Variants in CLVS1 observed in about 807,000 individuals in gnomAD.
CLVS1 encodes clavesin-1.
In CLVS1, 10 loss-of-function variants were observed where a neutral mutation model predicts 33.1. That is an observed-to-expected ratio of 0.30 (90% confidence interval 0.19 to 0.51). CLVS1 has a LOEUF of 0.51. Among genes scored for constraint, CLVS1 ranks in the 20% least tolerant of loss-of-function variants. CLVS1 has a pLI of 0.97. For missense variants in CLVS1, 343 were observed against 433.4 expected (o/e 0.79, Z 1.85); for synonymous variants, 163 against 166.1 (o/e 0.98, Z 0.14).
At chr8:61,098,238 C>A (rs758638492) in intron 1 of CLVS1, among the ~76,000 whole-genome samples, 13 of 151,994 alleles carry the variant, frequency 8.6e-5, no homozygotes, top group Non-Finnish European at 1.3e-4. Context: ...AGGTGAGGAT[C>A]GCCCTCATGG....
the CLVS1 span, among the ~76,000 whole-genome samples, chr8:60,978,644 G>A: frequency 4.6e-3 from 694 of 151,630 alleles, 6 homozygotes; most frequent in Middle Eastern, 0.021. Flanking sequence ...GTGAAACCCC[G>A]TCTCTACTAA....
chr8:61,302,067 C>A (rs2978558), intron 2 of CLVS1, among the ~76,000 whole-genome samples: 83,564 of 151,938 alleles, frequency 0.55, 23,973 homozygotes, highest in East Asian at 0.97. Context: ...CTCTTCACTT[C>A]CTCATGTCAC....
chr8:61,199,697 G>A (rs964888825), intron 2 of CLVS1, among the ~76,000 whole-genome samples: 1 of 152,236 alleles, frequency 6.6e-6, no homozygotes, highest in African/African-American at 2.4e-5. Flanking sequence ...TTCTTCAGGT[G>A]TTTTGTGTTG....
the CLVS1 span, among the ~76,000 whole-genome samples, chr8:61,033,135 G>GAAAGA: frequency 4.4e-3 from 443 of 100,480 alleles, 34 homozygotes; most frequent in African/African-American, 0.014. Flanking sequence ...AGGAAAGAAA[G>GAAAGA]AAAGAAAGAA....
Position 61,183,486 on chromosome 8 carries a change from CA to C in CLVS1, c.-152+51627del, listed in dbSNP as rs1190771527. On this transcript the variant is annotated intron_variant, in intron 2 of 2. Transcript: ENST00000522621. ...TTATCTCAACCAACTCTTTGTCAGACAGTTAATTTTTTTTATCTCTTCTCTG... is the reference window on the plus strand; with the variant it reads ...TTATCTCAACCAACTCTTTGTCAGACGTTAATTTTTTTTATCTCTTCTCTG... Among the ~76,000 whole-genome samples the C allele has an allele frequency of 2.0e-5, 3 of 151,694 alleles. No individual in the cohort carries two copies. The East Asian group carries it at 5.8e-4, about 29-fold the overall frequency.
At chr8:61,371,234 G>A (rs1464198873) in intron 2 of CLVS1, among the ~76,000 whole-genome samples, 1 of 152,128 alleles carries the variant, frequency 6.6e-6, no homozygotes, top group Non-Finnish European at 1.5e-5. Context: ...GTCTTTCCCT[G>A]ATAATTGGTG....
rs1563455120 is a variant in CLVS1, at chr8:61,232,036, T to TG, written c.-151-67641_-151-67640insG. 1.1e-4 allele frequency among the ~76,000 whole-genome samples: 7 copies of TG among 64,588 alleles called. 1 individual carries two copies. The highest frequency in any genetic ancestry group is 2.5e-4 in the African/African-American group (6 of 24,298). 42.4% of individuals were successfully genotyped at this position (64,588 alleles called of 152,430 possible). On this transcript the variant is annotated intron_variant, in intron 2 of 2. Coordinates refer to the CLVS1 transcript ENST00000522621. ...AGGAAAGTTGTGGTTTTTTTTTTTT[T>TG]TTTTTTTTTTTTTTGTGAGATGGAG... is the stretch of plus-strand genomic sequence containing the variant.
At chr8:61,162,912 G>A (rs1284939458) in intron 2 of CLVS1, among the ~76,000 whole-genome samples, 1 of 152,124 alleles carries the variant, frequency 6.6e-6, no homozygotes, top group Non-Finnish European at 1.5e-5. Flanking sequence ...ACATCAGATG[G>A]CCAGTCTGAA....
chr8:61,150,196 C>A (rs574534260), intron 2 of CLVS1, among the ~76,000 whole-genome samples: 12 of 151,186 alleles, frequency 7.9e-5, no homozygotes, highest in African/African-American at 2.9e-4. Context: ...GAGATGAGAA[C>A]CCTTAAAAGA....
chr8:61,159,594 T>C (rs1210853719), intron 2 of CLVS1, among the ~76,000 whole-genome samples: 2 of 152,226 alleles, frequency 1.3e-5, no homozygotes, highest in Non-Finnish European at 2.9e-5. Context: ...TCCTGAGCTA[T>C]CTAGTCCATC....
At chr8:61,297,516 C>T (rs1810260186) in intron 1 of CLVS1, among the ~76,000 whole-genome samples, 1 of 152,114 alleles carries the variant, frequency 6.6e-6, no homozygotes, top group Admixed American at 6.6e-5. Context: ...AAGATGATGT[C>T]ATTCACTAAA....
intron 1 of CLVS1, among the ~76,000 whole-genome samples, chr8:61,088,616 T>A (rs1270631869): frequency 6.6e-6 from 1 of 152,038 alleles, no homozygotes; most frequent in African/African-American, 2.4e-5. Flanking sequence ...TATGCAAGGG[T>A]TTGCTCAGGG....
chr8:61,071,462 G>A (rs1804795076), intron 1 of CLVS1, among the ~76,000 whole-genome samples: 1 of 152,136 alleles, frequency 6.6e-6, no homozygotes, highest in Admixed American at 6.5e-5. Context: ...TTCCTCCTAT[G>A]CAGTCAGATC....
intron 2 of CLVS1, among the ~76,000 whole-genome samples, chr8:61,150,766 C>G (rs997028961): frequency 1.3e-5 from 2 of 152,158 alleles, no homozygotes; most frequent in Non-Finnish European, 2.9e-5. Flanking sequence ...AGCTGTGGCT[C>G]GAACTGGCCC....
chr8:61,430,677 G>C (rs1563550206), intron 3 of CLVS1, among the ~76,000 whole-genome samples: 1 of 152,120 alleles, frequency 6.6e-6, no homozygotes, highest in Non-Finnish European at 1.5e-5. Context: ...CTACTGCCAG[G>C]TCCTGCTCTC....
At position 61,127,526 on chromosome 8, in the gene CLVS1, C is replaced by A. The variant is rs531823798; in HGVS notation, c.-242-4244C>A. Among the ~76,000 whole-genome samples, 162 of 152,094 alleles carry A rather than the reference C, an allele frequency of 1.1e-3. 1 individual carries two copies. Among genetic ancestry groups the A allele is most frequent in the African/African-American group, 3.7e-3 (152 of 41,494 alleles). On this transcript the variant is annotated intron_variant, in intron 1 of 2. Coordinates refer to the CLVS1 transcript ENST00000522621. Reference sequence around the variant, plus strand: ...TGAGCCACTGGTGCCCAGCCTCAAGCATTTTTTTAAGCCTCAGAAAAAAAG... The same window carrying A: ...TGAGCCACTGGTGCCCAGCCTCAAGAATTTTTTTAAGCCTCAGAAAAAAAG...
At chr8:61,160,901 G>A (rs1806738472) in intron 2 of CLVS1, among the ~76,000 whole-genome samples, 1 of 152,150 alleles carries the variant, frequency 6.6e-6, no homozygotes, top group African/African-American at 2.4e-5. Flanking sequence ...TCTCGTAGAA[G>A]AGGAGAAAAT....
chr8:61,273,297 T>G (rs370057200), intron 2 of CLVS1, among the ~76,000 whole-genome samples: 1 of 151,988 alleles, frequency 6.6e-6, no homozygotes, highest in Non-Finnish European at 1.5e-5. Context: ...CCCAGTTAGG[T>G]TGCTCGGGGG....
intron 2 of CLVS1, among the ~76,000 whole-genome samples, chr8:61,206,930 T>C (rs1807859549): frequency 1.3e-5 from 2 of 152,170 alleles, no homozygotes; most frequent in Non-Finnish European, 2.9e-5. Flanking sequence ...TTCTTCCTAG[T>C]AGATTCTGAG....
Sources: allele counts gnomAD v4.1 joint callset (sites outside exome capture counted in the v4.1 genomes callset), GRCh38; gene constraint gnomAD v4.1.1; transcripts MANE v1.5; gene names NCBI Gene and HGNC (gene_info 2026-07-23, HGNC 2026-07-21).